The following FRAS1 variants were observed in gnomAD, a reference collection of about 807,000 sequenced individuals.
The protein encoded by FRAS1 is Fraser extracellular matrix complex subunit 1, also known as extracellular matrix organizing protein FRAS1.
In FRAS1, 290 loss-of-function variants were observed where a neutral mutation model predicts 435.2. The ratio of observed to expected loss-of-function variants is 0.67; its 90% CI spans 0.61 to 0.73. The LOEUF is 0.73. FRAS1 is among the 30% of genes least tolerant of loss of function. The pLI is 0.00. For synonymous variants in FRAS1, 1,800 were observed against 1,851.0 expected (o/e 0.97, Z 0.71); for missense variants, 4,860 against 5,001.5 (o/e 0.97, Z 0.85).
chr4:78,452,439 C>T lies in FRAS1; in HGVS notation c.6763+85C>T, dbSNP rs74669190. The T allele has an allele frequency of 9.8e-6, 10 of 1,016,822 alleles. No individual in the cohort carries two copies. In the East Asian group the frequency reaches 1.8e-4, roughly 19 times the overall value. The allele number at this position is 1,016,822 out of a possible 1,614,324, so 63.0% of individuals were successfully genotyped here. A position where few individuals can be genotyped will look rare whatever the true frequency, so the allele number is the denominator to read the frequency against. ...GCAGCCACATCATGTATCATGTATACCTAGAATCTGCCTTAATTCATATTT... is the reference window on the plus strand; with the variant it reads ...GCAGCCACATCATGTATCATGTATATCTAGAATCTGCCTTAATTCATATTT... On this transcript the variant is annotated intron_variant, in intron 47 of 73. Transcript: ENST00000512123.
intron 3 of FRAS1, among the ~76,000 whole-genome samples, chr4:78,239,167 A>G (rs1478744873): frequency 8.5e-5 from 13 of 152,146 alleles, no homozygotes; most frequent in African/African-American, 2.4e-5. Flanking sequence ...TCTTTGTTAT[A>G]TATCAAACTT....
chr4:78,167,917 T>A (rs1721399543), intron 2 of FRAS1, among the ~76,000 whole-genome samples: 1 of 152,228 alleles, frequency 6.6e-6, no homozygotes, highest in African/African-American at 2.4e-5. Context: ...GATATTAGTG[T>A]ACTTGGTGCT....
At chr4:78,060,064 TAATG>T (rs895626245) in intron 1 of FRAS1, among the ~76,000 whole-genome samples, 2 of 152,160 alleles carry the variant, frequency 1.3e-5, no homozygotes, top group Admixed American at 6.5e-5. Context: ...GCTTATCTAA[TAATG>T]AATGAATGAA....
At chr4:78,227,477 C>A (rs1408272942) in intron 2 of FRAS1, among the ~76,000 whole-genome samples, 1 of 152,214 alleles carries the variant, frequency 6.6e-6, no homozygotes, top group Non-Finnish European at 1.5e-5. Flanking sequence ...GGCAATGAAA[C>A]CTTGAACTCA....
chr4:78,312,835 GAAAGAA>G (rs1398343073), intron 15 of FRAS1, among the ~76,000 whole-genome samples: 1 of 123,984 alleles, frequency 8.1e-6, no homozygotes, highest in Non-Finnish European at 1.7e-5. Flanking sequence ...CTGTCTGAAA[GAAAGAA>G]AAAGAAAGAA....
chr4:78,154,205 T>C (rs949919291), intron 2 of FRAS1, among the ~76,000 whole-genome samples: 10 of 152,148 alleles, frequency 6.6e-5, no homozygotes, highest in African/African-American at 2.4e-4. Flanking sequence ...CCCTACTCAC[T>C]ATCGGGGTTG....
Position 78,450,437 on chromosome 4 carries a change from G to A in FRAS1, c.6463+98G>A. 9 of 961,950 alleles carry A rather than the reference G, an allele frequency of 9.4e-6. No individual in the cohort carries two copies. In the South Asian group the frequency reaches 1.2e-4, roughly 13 times the overall value. 59.6% of individuals were successfully genotyped at this position (961,950 alleles called of 1,614,324 possible). ...CTGGTAGTCTATGGCAATAAACTGT[G>A]CACTCTTTGTTTTGAGGAGCTTCAT... On this transcript the variant is annotated intron_variant, in intron 45 of 73. Coordinates refer to ENST00000512123, the MANE Select transcript of FRAS1 (RefSeq NM_025074.7).
chr4:78,465,230 G>T (rs910691469), intron 49 of FRAS1, among the ~76,000 whole-genome samples: 2 of 152,186 alleles, frequency 1.3e-5, no homozygotes, highest in African/African-American at 4.8e-5. Context: ...TACCTATGAG[G>T]TTCTAGGCTC....
chr4:78,179,391 T>C (rs1212924484), intron 2 of FRAS1, among the ~76,000 whole-genome samples: 1 of 152,210 alleles, frequency 6.6e-6, no homozygotes, highest in East Asian at 1.9e-4. Context: ...GCAGGCAAGT[T>C]ATGCCAAGAC....
chr4:78,370,007 T>C (rs1731436878), intron 23 of FRAS1, 23 bp downstream of exon 23: 1 of 1,607,002 alleles, frequency 6.2e-7, no homozygotes, highest in Non-Finnish European at 8.5e-7. Context: ...CTGAATTGTG[T>C]AAAGATTCTT....
intron 20 of FRAS1, among the ~76,000 whole-genome samples, chr4:78,354,676 A>G (rs931513750): frequency 2.6e-5 from 4 of 152,228 alleles, no homozygotes; most frequent in Non-Finnish European, 5.9e-5. Flanking sequence ...GACCACTTCC[A>G]AATACACTTA....
At position 78,410,466 on chromosome 4, in the gene FRAS1, A is replaced by G. The variant is rs1274092829; in HGVS notation, c.4309-2503A>G. On this transcript the variant is annotated intron_variant, in intron 31 of 73. Transcript: ENST00000512123. ...AAAAATAATGATTTAAAAAAAACTC[A>G]CTGGATGAAGACATCCAGTTGAATG... Among the ~76,000 whole-genome samples the G allele has an allele frequency of 2.0e-5, 3 of 152,032 alleles. No individual in the cohort carries two copies. In the East Asian group the frequency reaches 5.8e-4, roughly 29 times the overall value.
At chr4:78,263,923 C>T (rs55895609) in intron 6 of FRAS1, among the ~76,000 whole-genome samples, 3,880 of 152,206 alleles carry the variant, frequency 0.025, 168 homozygotes, top group African/African-American at 0.087. Context: ...GGGTTTTCCA[C>T]GAAAAATTAA....
intron 1 of FRAS1, among the ~76,000 whole-genome samples, chr4:78,065,022 T>A (rs1203841479): frequency 1.4e-5 from 2 of 147,610 alleles, no homozygotes; most frequent in Non-Finnish European, 3.0e-5. Context: ...GGAATGTGTC[T>A]ATATTTTTTT....
intron 2 of FRAS1, among the ~76,000 whole-genome samples, chr4:78,069,786 G>T (rs1000807295): frequency 1.4e-5 from 2 of 147,012 alleles, no homozygotes; most frequent in Non-Finnish European, 1.5e-5. Flanking sequence ...CCAGGAAATA[G>T]TTTTTTTTTT....
intron 25 of FRAS1, among the ~76,000 whole-genome samples, chr4:78,375,380 T>TTGTTAAACAGAACTTGCCCAAGGTC (rs1731716236): frequency 6.6e-6 from 1 of 152,198 alleles, no homozygotes; most frequent in East Asian, 1.9e-4. Flanking sequence ...ATGACACCGA[T>TTGTTAAACAGAACTTGCCCAAGGTC]TGTTAAACAG....
intron 65 of FRAS1, among the ~76,000 whole-genome samples, chr4:78,514,961 G>C (rs151050941): frequency 6.6e-6 from 1 of 151,528 alleles, no homozygotes; most frequent in Non-Finnish European, 1.5e-5. Flanking sequence ...CCAGCTACTC[G>C]GGAGGCTGAG....
intron 65 of FRAS1, 103 bp downstream of exon 65, chr4:78,513,655 C>T (rs529091606): frequency 1.9e-6 from 2 of 1,037,542 alleles, no homozygotes; most frequent in Admixed American, 3.9e-5. Context: ...TTCTGGTCCT[C>T]AGAATCCACA....
chr4:78,188,687 A>T (rs1296670422), intron 2 of FRAS1, among the ~76,000 whole-genome samples: 1 of 152,240 alleles, frequency 6.6e-6, no homozygotes, highest in Non-Finnish European at 1.5e-5. Context: ...AGCTTAGCCA[A>T]GTTGACACAT....
Sources: gnomAD v4.1 joint callset for allele counts (sites outside exome capture counted in the v4.1 genomes callset) on GRCh38, gnomAD v4.1.1 for gene constraint, MANE v1.5 for transcripts, NCBI Gene and HGNC (gene_info 2026-07-23, HGNC 2026-07-21) for gene names.